The following ADAMTSL1 variants were observed in gnomAD, a reference collection of about 807,000 sequenced individuals.
ADAMTSL1 encodes the protein ADAMTS-like protein 1.
In ADAMTSL1, 126 loss-of-function variants were observed where a neutral mutation model predicts 201.8. The observed-to-expected ratio is 0.62, with a 90% confidence interval of 0.54 to 0.72. The LOEUF (loss-of-function observed/expected upper bound fraction) is 0.72, where lower values mean the gene tolerates loss of function less well. Among genes scored for constraint, ADAMTSL1 ranks in the 30% least tolerant of loss-of-function variants. The probability of loss-of-function intolerance (pLI) is 0.00; values close to 1 mark genes in which losing one functional copy is unlikely to be tolerated. For missense variants in ADAMTSL1, 2,679 were observed against 2,277.8 expected (o/e 1.18, Z -3.59); for synonymous variants, 1,121 against 903.4 (o/e 1.24, Z -4.32).
intron 2 of ADAMTSL1, among the ~76,000 whole-genome samples, chr9:18,521,237 C>T (rs1818673193): frequency 1.3e-5 from 2 of 151,948 alleles, no homozygotes; most frequent in Admixed American, 6.6e-5. Flanking sequence ...ATTTGAGGTA[C>T]AGGGTTATCT....
chr9:18,793,155 A>G (rs1822160240), intron 19 of ADAMTSL1: 1 of 152,202 alleles, frequency 6.6e-6, no homozygotes, highest in South Asian at 2.1e-4. Flanking sequence ...ACTTCCTTTA[A>G]CTAAGGTGTC....
intron 4 of ADAMTSL1, among the ~76,000 whole-genome samples, chr9:18,610,161 A>AAT (rs1825285329): frequency 6.6e-6 from 1 of 152,140 alleles, no homozygotes; most frequent in Non-Finnish European, 1.5e-5. Flanking sequence ...CAGAGGGGTA[A>AAT]ATATACCTTT....
intron 26 of ADAMTSL1, among the ~76,000 whole-genome samples, chr9:18,904,522 C>G (rs146799709): frequency 6.6e-6 from 1 of 150,478 alleles, no homozygotes; most frequent in East Asian, 2.0e-4. Flanking sequence ...AAATTTTAGC[C>G]ACTCAGGAGG....
intron 2 of ADAMTSL1, among the ~76,000 whole-genome samples, chr9:18,186,317 A>G (rs576193895): frequency 2.6e-5 from 4 of 152,178 alleles, no homozygotes; most frequent in Non-Finnish European, 4.4e-5. Flanking sequence ...AACTTGAAGC[A>G]TGTTTCTATA....
In ADAMTSL1 at chr9:18,675,969, A is replaced by G. The variant is rs1830109062; in HGVS notation, c.1136+62A>G. 17 of 1,352,648 alleles carry G rather than the reference A, an allele frequency of 1.3e-5. No homozygotes were observed. The South Asian group carries it at 1.5e-4, about 12-fold the overall frequency. 83.8% of individuals were successfully genotyped at this position (1,352,648 alleles called of 1,614,324 possible). ...AATTAGTCTTCTGCTGCTTATCTAT[A>G]TATATAGAGATATACATATACATAG... On this transcript the variant is annotated intron_variant, in intron 10 of 28. Transcript: ENST00000380548.
At chr9:17,985,970 A>G (rs889643121) in intron 1 of ADAMTSL1, among the ~76,000 whole-genome samples, 3 of 152,138 alleles carry the variant, frequency 2.0e-5, no homozygotes, top group African/African-American at 7.2e-5. Context: ...TAATTAAGAC[A>G]CATGATGAAT....
intron 2 of ADAMTSL1, among the ~76,000 whole-genome samples, chr9:18,199,575 G>T (rs556399706): frequency 6.6e-6 from 1 of 152,112 alleles, no homozygotes; most frequent in Non-Finnish European, 1.5e-5. Context: ...CAACTTAAAT[G>T]AAGCTTTCAA....
chr9:18,575,350 T>C (rs1822643949), intron 4 of ADAMTSL1, among the ~76,000 whole-genome samples: 1 of 152,160 alleles, frequency 6.6e-6, no homozygotes, highest in South Asian at 2.1e-4. Context: ...TATAGGAGTT[T>C]GTCACTGATG....
chr9:18,853,419 C>G (rs1826627091), intron 23 of ADAMTSL1, among the ~76,000 whole-genome samples: 1 of 151,978 alleles, frequency 6.6e-6, no homozygotes, highest in Admixed American at 6.6e-5. Context: ...GGGATGCAAT[C>G]CTAGGGTTGT....
At chr9:18,531,861 C>T (rs903155219) in intron 2 of ADAMTSL1, among the ~76,000 whole-genome samples, 3 of 152,108 alleles carry the variant, frequency 2.0e-5, no homozygotes, top group African/African-American at 7.2e-5. Flanking sequence ...AGTTCCGAAG[C>T]CAGATGGCCT....
intron 1 of ADAMTSL1, among the ~76,000 whole-genome samples, chr9:17,973,604 C>A (rs527540201): frequency 3.0e-4 from 25 of 81,984 alleles, no homozygotes; most frequent in African/African-American, 7.9e-4. Flanking sequence ...AGCGTGATGC[C>A]TCCAGCTTTG....
At chr9:17,967,103 G>A (rs559727493) in intron 1 of ADAMTSL1, among the ~76,000 whole-genome samples, 2 of 151,994 alleles carry the variant, frequency 1.3e-5, no homozygotes, top group Non-Finnish European at 2.9e-5. Context: ...TATATAATAT[G>A]GGCACTAAAG....
At position 18,908,756 on chromosome 9, in the gene ADAMTSL1, A is replaced by G; in HGVS notation, c.*208A>G. The G allele has an allele frequency of 1.9e-6, 1 of 520,048 alleles. No homozygotes were observed. Among genetic ancestry groups the G allele is most frequent in the Non-Finnish European group, 3.5e-6 (1 of 288,836 alleles). 32.2% of individuals were successfully genotyped at this position (520,048 alleles called of 1,614,324 possible). On this transcript the variant is annotated 3_prime_UTR_variant, in exon 29 of 29. Transcript: ENST00000380548. ...GTTAGCTGGAGGACAGGATGTTGGG[A>G]AAGGAAAGGACAGATGTCTAAAGGA...
At chr9:17,943,029 C>T (rs1827305504) in intron 1 of ADAMTSL1, among the ~76,000 whole-genome samples, 1 of 152,082 alleles carries the variant, frequency 6.6e-6, no homozygotes, top group Non-Finnish European at 1.5e-5. Flanking sequence ...TTAAGTGATC[C>T]TCCTGCTTTA....
intron 2 of ADAMTSL1, among the ~76,000 whole-genome samples, chr9:18,305,787 A>G (rs1005573931): frequency 2.0e-5 from 3 of 152,200 alleles, no homozygotes; most frequent in African/African-American, 7.2e-5. Context: ...CAGCTTCAGC[A>G]GACTTGAACG....
chr9:18,652,890 T>A (rs1828384847), intron 7 of ADAMTSL1, among the ~76,000 whole-genome samples: 1 of 152,184 alleles, frequency 6.6e-6, no homozygotes, highest in Non-Finnish European at 1.5e-5. Context: ...CTAGACAGTC[T>A]CCCCATTTCA....
In ADAMTSL1 at chr9:18,675,984, C is replaced by T. The variant is rs913256378; in HGVS notation, c.1136+77C>T. The T allele has an allele frequency of 3.9e-6, 5 of 1,269,368 alleles. No individual in the cohort carries two copies. In the African/African-American group the frequency reaches 6.0e-5, roughly 15 times the overall value. The allele number at this position is 1,269,368 out of a possible 1,614,324, so 78.6% of individuals were successfully genotyped here. A position where few individuals can be genotyped will look rare whatever the true frequency, so the allele number is the denominator to read the frequency against. On this transcript the variant is annotated intron_variant, in intron 10 of 28. Coordinates refer to ENST00000380548, the MANE Select transcript of ADAMTSL1 (RefSeq NM_001040272.6). The stretch of plus-strand genomic sequence containing the variant: ...GCTTATCTATATATATAGAGATATA[C>T]ATATACATAGAGAGAGAGATTATAT...
At chr9:18,354,971 T>C (rs2133046092) in intron 2 of ADAMTSL1, among the ~76,000 whole-genome samples, 1 of 151,724 alleles carries the variant, frequency 6.6e-6, no homozygotes, top group Middle Eastern at 3.4e-3. Context: ...ACTCCATCTC[T>C]ATAAATAAAC....
rs1467754178 is a variant in ADAMTSL1, at chr9:18,910,104, G to A, written c.*1556G>A. On this transcript the variant is annotated 3_prime_UTR_variant, in exon 29 of 29. Transcript: ENST00000380548. Reference sequence around the variant, plus strand: ...TCACCCCGGGCTACCATTGACATCAGGGCTGCATTTCCAGCCAGCCTGGAA... The same window carrying A: ...TCACCCCGGGCTACCATTGACATCAAGGCTGCATTTCCAGCCAGCCTGGAA... The A allele has an allele frequency of 6.6e-6, 1 of 152,126 alleles. No individual in the cohort carries two copies. Among genetic ancestry groups the A allele is most frequent in the Non-Finnish European group, 1.5e-5 (1 of 68,040 alleles). The allele number at this position is 152,126 out of a possible 1,614,324, so 9.4% of individuals were successfully genotyped here.
Sources: allele counts gnomAD v4.1 joint callset (sites outside exome capture counted in the v4.1 genomes callset), GRCh38; gene constraint gnomAD v4.1.1; transcripts MANE v1.5; gene names NCBI Gene and HGNC (gene_info 2026-07-23, HGNC 2026-07-21).